ASTN1: variants seen among roughly 807,000 people sequenced by gnomAD.
ASTN1 encodes astrotactin-1.
Under a neutral mutation model 140.7 loss-of-function variants are expected in ASTN1, and 41 were observed. The ratio of observed to expected loss-of-function variants is 0.29; its 90% CI spans 0.23 to 0.38. The LOEUF is 0.38. ASTN1 is among the 10% of genes least tolerant of loss of function. ASTN1 has a pLI of 1.00. For synonymous variants in ASTN1, 640 were observed against 652.2 expected, an observed-to-expected ratio of 0.98 and a Z score of 0.29; for missense variants, 1,479 against 1,678.8, an observed-to-expected ratio of 0.88 and a Z score of 2.08.
At chr1:177,126,312 T>C (rs1681643056) in intron 1 of ASTN1, among the ~76,000 whole-genome samples, 1 of 152,146 alleles carries the variant, frequency 6.6e-6, no homozygotes, top group Non-Finnish European at 1.5e-5. Context: ...CTTTGCTGCT[T>C]AGGAATAGCT....
At chr1:176,906,834 A>ACT (rs1571491182) in intron 16 of ASTN1, among the ~76,000 whole-genome samples, 1 of 142,590 alleles carries the variant, frequency 7.0e-6, no homozygotes, top group East Asian at 2.0e-4. Flanking sequence ...ACAGAGTGAG[A>ACT]CTCTCTCTCA....
chr1:177,151,311 ACC>A (rs764950441), intron 1 of ASTN1, among the ~76,000 whole-genome samples: 1 of 152,122 alleles, frequency 6.6e-6, no homozygotes, highest in Non-Finnish European at 1.5e-5. Context: ...GCACATGACT[ACC>A]CAGATAAGAC....
chr1:177,082,531 C>T (rs1679230842), intron 1 of ASTN1, among the ~76,000 whole-genome samples: 1 of 152,156 alleles, frequency 6.6e-6, no homozygotes, highest in Non-Finnish European at 1.5e-5. Flanking sequence ...AGGACACTCA[C>T]ACAAAGGGTA....
chr1:177,119,860 C>T (rs1179177529), intron 1 of ASTN1, among the ~76,000 whole-genome samples: 1 of 152,228 alleles, frequency 6.6e-6, no homozygotes, highest in Non-Finnish European at 1.5e-5. Context: ...ACATCCCCCT[C>T]TTCCAGATGG....
chr1:176,930,654 CATGGG>C (rs1671169080), intron 16 of ASTN1, among the ~76,000 whole-genome samples: 1 of 152,170 alleles, frequency 6.6e-6, no homozygotes. Flanking sequence ...TGCTGAGATA[CATGGG>C]ATGGTCACAG....
chr1:177,007,577 G>A (rs1351013137), intron 8 of ASTN1, among the ~76,000 whole-genome samples: 1 of 152,114 alleles, frequency 6.6e-6, no homozygotes, highest in Non-Finnish European at 1.5e-5. Context: ...ACATCTGTGG[G>A]AGCTTGTCAA....
At chr1:177,077,519 A>T (rs1678975969) in intron 1 of ASTN1, among the ~76,000 whole-genome samples, 1 of 152,200 alleles carries the variant, frequency 6.6e-6, no homozygotes, top group African/African-American at 2.4e-5. Flanking sequence ...GTGAGGAAGA[A>T]ATAAAGTAAT....
At chr1:177,033,344 T>C (rs905219871) in intron 2 of ASTN1, among the ~76,000 whole-genome samples, 1 of 152,202 alleles carries the variant, frequency 6.6e-6, no homozygotes, top group Non-Finnish European at 1.5e-5. Context: ...GTGGGTCCTA[T>C]AAATTCTAAA....
intron 2 of ASTN1, among the ~76,000 whole-genome samples, chr1:177,058,254 G>A (rs982337514): frequency 1.7e-4 from 26 of 152,068 alleles, no homozygotes; most frequent in African/African-American, 6.0e-4. Flanking sequence ...GAAGTCAAAG[G>A]CCTTCCTGAT....
At chr1:177,125,560 G>T (rs933521462) in intron 1 of ASTN1, among the ~76,000 whole-genome samples, 1 of 152,160 alleles carries the variant, frequency 6.6e-6, no homozygotes, top group African/African-American at 2.4e-5. Flanking sequence ...CACCTCCCTT[G>T]TGGGGAAAAG....
chr1:176,883,087 C>G (rs1012846636), intron 19 of ASTN1, 93 bp from the exon 20 acceptor site: 9 of 1,522,762 alleles, frequency 5.9e-6, no homozygotes, highest in Admixed American at 3.4e-5. Flanking sequence ...CTTAACATGA[C>G]AATGATTTGG....
chr1:176,990,079 T>C (rs2101895352), intron 8 of ASTN1, among the ~76,000 whole-genome samples: 1 of 152,058 alleles, frequency 6.6e-6, no homozygotes, highest in Admixed American at 6.6e-5. Context: ...TACTACCATT[T>C]TCAGCCTGGA....
chr1:177,067,539 C>T (rs949858435), intron 1 of ASTN1, among the ~76,000 whole-genome samples: 2 of 152,098 alleles, frequency 1.3e-5, no homozygotes, highest in Non-Finnish European at 2.9e-5. Context: ...GGTCTAGTTT[C>T]CCACATGGTT....
At chr1:176,881,131 G>A (rs776245443) in intron 20 of ASTN1, among the ~76,000 whole-genome samples, 2 of 152,192 alleles carry the variant, frequency 1.3e-5, no homozygotes, top group East Asian at 1.9e-4. Flanking sequence ...GGAGAGGAAT[G>A]TCACTCCTGG....
At chr1:177,007,814 A>T (rs1000554126) in intron 8 of ASTN1, among the ~76,000 whole-genome samples, 2 of 152,218 alleles carry the variant, frequency 1.3e-5, no homozygotes, top group Non-Finnish European at 2.9e-5. Context: ...GCACTAGTTC[A>T]TCAAAGGCCT....
At chr1:177,077,624 T>C (rs1220185477) in intron 1 of ASTN1, among the ~76,000 whole-genome samples, 1 of 152,234 alleles carries the variant, frequency 6.6e-6, no homozygotes, top group Non-Finnish European at 1.5e-5. Flanking sequence ...CTTAAAAAAT[T>C]AATTTCCAGT....
intron 1 of ASTN1, among the ~76,000 whole-genome samples, chr1:177,121,643 T>C (rs1681392926): frequency 6.6e-6 from 1 of 152,130 alleles, no homozygotes; most frequent in Admixed American, 6.5e-5. Context: ...AGTTAGCATT[T>C]CCTCCACCTC....
At chr1:176,908,431 G>C (rs1670090264) in intron 16 of ASTN1, among the ~76,000 whole-genome samples, 1 of 152,188 alleles carries the variant, frequency 6.6e-6, no homozygotes, top group Admixed American at 6.5e-5. Flanking sequence ...GCAGGAGAGA[G>C]ATGCAGCAGC....
chr1:177,111,934 A>G (rs1680841002), intron 1 of ASTN1, among the ~76,000 whole-genome samples: 1 of 152,170 alleles, frequency 6.6e-6, no homozygotes, highest in Non-Finnish European at 1.5e-5. Flanking sequence ...GGGGAGAAGG[A>G]TGGCAGCTTA....
Sources: gnomAD v4.1 joint callset for allele counts (sites outside exome capture counted in the v4.1 genomes callset) on GRCh38, gnomAD v4.1.1 for gene constraint, MANE v1.5 for transcripts, NCBI Gene and HGNC (gene_info 2026-07-23, HGNC 2026-07-21) for gene names.